RFC3: variants seen among roughly 807,000 people sequenced by gnomAD.
The protein encoded by RFC3 is replication factor C subunit 3, also known as A1 38 kDa subunit.
A neutral mutation model predicts 45.1 loss-of-function variants in RFC3; 41 were observed. That is an observed-to-expected ratio of 0.91 (90% CI 0.71 to 1.18). RFC3 has a LOEUF of 1.18. RFC3 is among the 50% of genes most tolerant of loss of function. The pLI, the probability that RFC3 is intolerant of heterozygous loss-of-function variation, is 0.00. For synonymous variants in RFC3, 149 were observed against 144.0 expected, an observed-to-expected ratio of 1.03 and a Z score of -0.25; for missense variants, 423 against 428.1, an observed-to-expected ratio of 0.99 and a Z score of 0.10.
chr13:33,832,704 G>A (rs770872478), intron 7 of RFC3, among the ~76,000 whole-genome samples: 4 of 152,080 alleles, frequency 2.6e-5, no homozygotes, highest in Non-Finnish European at 5.9e-5. Flanking sequence ...TCAATAAAGA[G>A]ACCTCACCCT....
chr13:33,964,499 C>A (rs1455935861), intron 8 of RFC3, among the ~76,000 whole-genome samples: 1 of 152,148 alleles, frequency 6.6e-6, no homozygotes, highest in Non-Finnish European at 1.5e-5. Context: ...ATGTTCCCAC[C>A]AGCTCTGGCT....
downstream of RFC3, among the ~76,000 whole-genome samples, chr13:33,838,919 T>A (rs1162145948): frequency 6.6e-6 from 1 of 152,208 alleles, no homozygotes; most frequent in Non-Finnish European, 1.5e-5. Context: ...CATGGATTGC[T>A]TAGATGTCAG....
intron 8 of RFC3, among the ~76,000 whole-genome samples, chr13:33,845,140 G>A (rs1308237262): frequency 6.6e-6 from 1 of 152,166 alleles, no homozygotes; most frequent in African/African-American, 2.4e-5. Context: ...AGTGAAATCT[G>A]CTGCCAGACA....
intron 4 of RFC3, among the ~76,000 whole-genome samples, chr13:33,829,067 C>T (rs2082077740): frequency 6.6e-6 from 1 of 152,146 alleles, no homozygotes; most frequent in Non-Finnish European, 1.5e-5. Flanking sequence ...GTTTTGGAAT[C>T]TTTAGTTGTT....
At chr13:33,822,289 C>T (rs947796223) in intron 2 of RFC3, among the ~76,000 whole-genome samples, 4 of 152,100 alleles carry the variant, frequency 2.6e-5, no homozygotes, top group Admixed American at 1.3e-4. Context: ...CAGCATCTTC[C>T]CAGATGGGTG....
downstream of RFC3, among the ~76,000 whole-genome samples, chr13:33,969,624 A>T (rs1230841228): frequency 6.6e-6 from 1 of 152,190 alleles, no homozygotes; most frequent in Non-Finnish European, 1.5e-5. Context: ...GCTGAGAGTG[A>T]TGTTCTTAAG....
chr13:33,821,120 CT>C lies in RFC3; in HGVS notation c.88-4del. 1 of 1,610,966 alleles carries C rather than the reference CT, an allele frequency of 6.2e-7. No homozygotes were observed. Among genetic ancestry groups the C allele is most frequent in the Non-Finnish European group, 8.5e-7 (1 of 1,178,142 alleles). Reference sequence around the variant, plus strand: ...TTTGACTAGGGAAAAATGCCTTGTTCTTTTTTTTCAGGTGCAGTGTGGTGAC... The same window carrying C: ...TTTGACTAGGGAAAAATGCCTTGTTCTTTTTTTCAGGTGCAGTGTGGTGAC... On this transcript the variant is annotated splice_polypyrimidine_tract_variant and intron_variant, in intron 1 of 8. Coordinates refer to ENST00000380071, the MANE Select transcript of RFC3 (RefSeq NM_002915.4).
chr13:33,881,617 A>G (rs1210656694), intron 8 of RFC3, among the ~76,000 whole-genome samples: 1 of 151,742 alleles, frequency 6.6e-6, no homozygotes, highest in Non-Finnish European at 1.5e-5. Context: ...GGCTATTTCG[A>G]GGGTCTATCA....
chr13:33,886,307 G>C (rs1473186521), intron 8 of RFC3, among the ~76,000 whole-genome samples: 2 of 152,100 alleles, frequency 1.3e-5, no homozygotes, highest in African/African-American at 4.8e-5. Flanking sequence ...AGCACTTTGG[G>C]AGGCCGAGGT....
intron 8 of RFC3, among the ~76,000 whole-genome samples, chr13:33,879,284 A>G (rs560495121): frequency 6.6e-6 from 1 of 152,372 alleles, no homozygotes; most frequent in Admixed American, 6.5e-5. Context: ...AATATAAATT[A>G]TGAATTTCCT....
chr13:33,834,998 ATTGT>A (rs2082139932), intron 7 of RFC3, 146 bp from the exon 8 acceptor site: 4 of 544,704 alleles, frequency 7.3e-6, no homozygotes, highest in Non-Finnish European at 9.8e-6. Context: ...TTCTTACTGG[ATTGT>A]TTGTTAATTC....
At chr13:33,864,708 G>A (rs955500989) in intron 8 of RFC3, among the ~76,000 whole-genome samples, 1 of 152,070 alleles carries the variant, frequency 6.6e-6, no homozygotes, top group Admixed American at 6.6e-5. Flanking sequence ...AGGGTAATGA[G>A]AAGCCTTTGG....
intron 8 of RFC3, among the ~76,000 whole-genome samples, chr13:33,874,225 A>G (rs553173471): frequency 6.6e-6 from 1 of 152,336 alleles, no homozygotes; most frequent in East Asian, 1.9e-4. Context: ...TAGCTCAATT[A>G]TTAACAAACT....
At chr13:33,976,353 C>G in the RFC3 span, among the ~76,000 whole-genome samples, 23 of 152,022 alleles carry the variant, frequency 1.5e-4, no homozygotes, top group Non-Finnish European at 3.4e-4. Flanking sequence ...CGTTCTCATT[C>G]ATATGTGGAA....
chr13:33,871,933 T>G (rs1218704492), intron 8 of RFC3, among the ~76,000 whole-genome samples: 1 of 152,242 alleles, frequency 6.6e-6, no homozygotes, highest in Non-Finnish European at 1.5e-5. Flanking sequence ...TCTTAAAGCA[T>G]ACCTGCTTGT....
chr13:33,873,780 T>C (rs1378237783), intron 8 of RFC3, among the ~76,000 whole-genome samples: 11 of 152,208 alleles, frequency 7.2e-5, no homozygotes, highest in Non-Finnish European at 1.6e-4. Flanking sequence ...ATGTGCTCAG[T>C]TCATGGCTCA....
At chr13:33,878,704 G>T (rs1298885236) in intron 8 of RFC3, among the ~76,000 whole-genome samples, 2 of 152,056 alleles carry the variant, frequency 1.3e-5, no homozygotes, top group Non-Finnish European at 2.9e-5. Flanking sequence ...CTGTTGGCAG[G>T]TTCATTCAGA....
At chr13:33,966,380 G>A (rs1253551477) in exon 9 of RFC3, 3 of 511,760 alleles carry the variant, frequency 5.9e-6, no homozygotes, top group Non-Finnish European at 1.1e-5. Flanking sequence ...GTAATGATCA[G>A]ATGAACTCAT....
At chr13:33,960,168 G>A (rs1422408659) in intron 8 of RFC3, among the ~76,000 whole-genome samples, 1 of 152,058 alleles carries the variant, frequency 6.6e-6, no homozygotes, top group East Asian at 1.9e-4. Context: ...ATTTCAACAT[G>A]GGATCTGGGT....
Sources: allele counts gnomAD v4.1 joint callset (sites outside exome capture counted in the v4.1 genomes callset), GRCh38; gene constraint gnomAD v4.1.1; transcripts MANE v1.5; gene names NCBI Gene and HGNC (gene_info 2026-07-23, HGNC 2026-07-21).